The following TRAF5 variants were observed in gnomAD, a reference collection of about 807,000 sequenced individuals.
TRAF5 encodes the protein TNF receptor-associated factor 5.
Under a neutral mutation model 64.5 loss-of-function variants are expected in TRAF5, and 48 were observed. That is an observed-to-expected ratio of 0.74 (90% CI 0.59 to 0.95). The LOEUF (loss-of-function observed/expected upper bound fraction) is 0.95, where lower values mean the gene tolerates loss of function less well. Ranked by LOEUF, TRAF5 falls within the 40% of genes least tolerant of loss-of-function variation. TRAF5 has a pLI of 0.00. For synonymous variants in TRAF5, 206 were observed against 240.5 expected, an observed-to-expected ratio of 0.86 and a Z score of 1.33; for missense variants, 545 against 662.8, an observed-to-expected ratio of 0.82 and a Z score of 1.95.
In TRAF5 at chr1:211,361,157, G is replaced by A. The variant is rs374585053; in HGVS notation, c.691G>A (p.Val231Ile). The A allele has an allele frequency of 5.6e-6, 9 of 1,613,976 alleles. No homozygotes were observed. The highest frequency in any genetic ancestry group is 1.7e-5 in the Admixed American group (1 of 60,002). ...TCCTTTTAAGCACTATGGCTGTGCTGTAACGGTATGGAATGACTTTTTGTT... is the reference window on the plus strand; with the variant it reads ...TCCTTTTAAGCACTATGGCTGTGCTATAACGGTATGGAATGACTTTTTGTT... ...DCPFKHYGCA[V>I]TDKRRNLQQH... The change falls in exon 7 of 11, where the codon GTA becomes ATA. Residue 231 changes from valine to isoleucine, a missense_variant. By Grantham distance (29) the Val-to-Ile change is conservative. Transcript: ENST00000261464.
chr1:211,359,902 T>C lies in TRAF5; in HGVS notation c.379-10T>C. The stretch of plus-strand genomic sequence containing the variant: ...AGCAGGTCCCACTGGCCTGTTGTTA[T>C]CTGTTGCAGGATCACCTTCAGCAGT... On this transcript the variant is annotated splice_polypyrimidine_tract_variant and intron_variant, in intron 4 of 10. Coordinates refer to ENST00000261464, the MANE Select transcript of TRAF5 (RefSeq NM_001033910.3). 6.2e-7 allele frequency: 1 copy of C among 1,613,866 alleles called. No individual in the cohort carries two copies. Among genetic ancestry groups the C allele is most frequent in the Non-Finnish European group, 8.5e-7 (1 of 1,179,794 alleles).
chr1:211,336,950 C>T (rs975767868), intron 1 of TRAF5, among the ~76,000 whole-genome samples: 9 of 151,948 alleles, frequency 5.9e-5, no homozygotes, highest in African/African-American at 4.8e-5. Flanking sequence ...TGAGCCGCTG[C>T]ACCTGGCCAG....
intron 7 of TRAF5, among the ~76,000 whole-genome samples, chr1:211,362,298 T>C (rs1397528232): frequency 6.6e-6 from 1 of 152,268 alleles, no homozygotes; most frequent in Admixed American, 6.5e-5. Context: ...TATTATTCTG[T>C]ATTTTCTGTA....
At chr1:211,365,040 G>A (rs1344434682) in intron 7 of TRAF5, among the ~76,000 whole-genome samples, 2 of 152,044 alleles carry the variant, frequency 1.3e-5, no homozygotes, top group Middle Eastern at 3.4e-3. Context: ...GAGTGTGGTG[G>A]TGCACACCTG....
At position 211,372,392 on chromosome 1, in the gene TRAF5, G is replaced by C. The variant is rs1703567041; in HGVS notation, c.1364G>C (p.Arg455Thr). 6.2e-7 allele frequency: 1 copy of C among 1,614,142 alleles called. No individual in the cohort carries two copies. Among genetic ancestry groups the C allele is most frequent in the Non-Finnish European group, 8.5e-7 (1 of 1,180,028 alleles). ...RAYLNGDGSG[R>T]GSHLSLYFVV... ...TACCTGAATGGGGATGGGTCAGGGA[G>C]GGGGTCACACCTGTCCCTATACTTT... The change falls in exon 11 of 11, where the codon AGG (arginine) becomes ACG (threonine). Residue 455 changes from arginine to threonine, a missense_variant. Arg to Thr is a moderately conservative substitution (Grantham distance 71, BLOSUM62 -1). Coordinates refer to ENST00000261464, the MANE Select transcript of TRAF5 (RefSeq NM_001033910.3).
intron 1 of TRAF5, among the ~76,000 whole-genome samples, chr1:211,343,195 C>A (rs996963496): frequency 2.6e-5 from 4 of 152,062 alleles, no homozygotes; most frequent in African/African-American, 9.7e-5. Context: ...AACATAGCGA[C>A]TAAGTAATTT....
intron 1 of TRAF5, among the ~76,000 whole-genome samples, chr1:211,345,989 G>A (rs1200298394): frequency 1.3e-5 from 2 of 152,250 alleles, no homozygotes; most frequent in Admixed American, 6.5e-5. Flanking sequence ...AGAGTAGGGG[G>A]TGGATCTGGG....
intron 1 of TRAF5, among the ~76,000 whole-genome samples, chr1:211,338,022 A>T (rs539506496): frequency 2.6e-5 from 4 of 152,160 alleles, no homozygotes; most frequent in African/African-American, 9.7e-5. Context: ...CACCCAGAGA[A>T]TGAGTGCAGA....
Position 211,366,969 on chromosome 1 carries a change from GTTTGTT to G in TRAF5, c.789+1503_789+1508del, listed in dbSNP as rs1276271783. Reference sequence around the variant, plus strand: ...TTGGAAAACACTTGGTCAGCTAATTGTTTGTTTGTTTGTTTGTTTGTTTGTTTGTTG... The same window carrying G: ...TTGGAAAACACTTGGTCAGCTAATTGTGTTTGTTTGTTTGTTTGTTTGTTG... On this transcript the variant is annotated intron_variant, in intron 8 of 10. Coordinates refer to ENST00000261464, the MANE Select transcript of TRAF5 (RefSeq NM_001033910.3). 1.4e-3 allele frequency among the ~76,000 whole-genome samples: 190 copies of G among 135,946 alleles called. 1 individual carries two copies. Among genetic ancestry groups the G allele is most frequent in the Non-Finnish European group, 2.0e-3 (131 of 64,496 alleles). The allele number at this position is 135,946 out of a possible 152,430, so 89.2% of individuals were successfully genotyped here. A position where few individuals can be genotyped will look rare whatever the true frequency, so the allele number is the denominator to read the frequency against.
intron 1 of TRAF5, among the ~76,000 whole-genome samples, chr1:211,348,939 A>G (rs550624905): frequency 6.6e-6 from 1 of 150,766 alleles, no homozygotes; most frequent in South Asian, 2.1e-4. Flanking sequence ...GCTCATACCT[A>G]TAGTAATCCC....
chr1:211,334,817 C>G (rs1702248061), intron 1 of TRAF5, among the ~76,000 whole-genome samples: 1 of 152,158 alleles, frequency 6.6e-6, no homozygotes, highest in Admixed American at 6.5e-5. Context: ...CTAGAGATAG[C>G]AGTATTAGGC....
At chr1:211,341,416 A>G (rs1702444696) in intron 1 of TRAF5, among the ~76,000 whole-genome samples, 1 of 152,238 alleles carries the variant, frequency 6.6e-6, no homozygotes, top group Admixed American at 6.5e-5. Flanking sequence ...AAATGTGATG[A>G]TGTGATTACA....
At chr1:211,364,627 A>G (rs1469590639) in intron 7 of TRAF5, among the ~76,000 whole-genome samples, 2 of 152,112 alleles carry the variant, frequency 1.3e-5, no homozygotes, top group Non-Finnish European at 2.9e-5. Flanking sequence ...TGGAGGTTGC[A>G]GTGAGCCAAG....
At chr1:211,366,296 T>C (rs1295454175) in intron 8 of TRAF5, among the ~76,000 whole-genome samples, 2 of 152,166 alleles carry the variant, frequency 1.3e-5, no homozygotes, top group Non-Finnish European at 1.5e-5. Flanking sequence ...GGAAGACTGA[T>C]TAAACAGTAA....
rs1233169047 is a variant in TRAF5, at chr1:211,374,540, C to T, written c.*1838C>T. On this transcript the variant is annotated 3_prime_UTR_variant, in exon 11 of 11. Coordinates refer to ENST00000261464, the MANE Select transcript of TRAF5 (RefSeq NM_001033910.3). The stretch of plus-strand genomic sequence containing the variant: ...TAAATTCAAAGAAATAGGTTCACAA[C>T]AGGAATATACTGAAGAACTAGAGTG... 6.6e-6 allele frequency: 1 copy of T among 152,226 alleles called. No individual in the cohort carries two copies. Among genetic ancestry groups the T allele is most frequent in the African/African-American group, 2.4e-5 (1 of 41,452 alleles). The allele number at this position is 152,226 out of a possible 1,614,324, so 9.4% of individuals were successfully genotyped here.
intron 3 of TRAF5, among the ~76,000 whole-genome samples, 182 bp downstream of exon 3, chr1:211,354,649 C>G (rs974369691): frequency 1.3e-5 from 2 of 152,042 alleles, no homozygotes; most frequent in Non-Finnish European, 2.9e-5. Context: ...TTGTTTGGGT[C>G]TTTATTGACC....
At chr1:211,357,743 G>A (rs1703013468) in intron 4 of TRAF5, 1 of 152,196 alleles carries the variant, frequency 6.6e-6, no homozygotes, top group East Asian at 1.9e-4. Flanking sequence ...CTTACTACCA[G>A]AGGTGAAGGA....
At chr1:211,354,599 G>A in intron 3 of TRAF5, 132 bp downstream of exon 3, 1 of 899,370 alleles carries the variant, frequency 1.1e-6, no homozygotes, top group South Asian at 1.6e-5. Flanking sequence ...TTCTGCTGTG[G>A]GGTCACATCA....
intron 7 of TRAF5, among the ~76,000 whole-genome samples, chr1:211,363,799 T>A (rs980506587): frequency 6.6e-6 from 1 of 151,074 alleles, no homozygotes; most frequent in African/African-American, 2.4e-5. Context: ...TAGTCCCAGC[T>A]CCTTGGGAGG....
Sources: gnomAD v4.1 joint callset for allele counts (sites outside exome capture counted in the v4.1 genomes callset) on GRCh38, gnomAD v4.1.1 for gene constraint, MANE v1.5 for transcripts, NCBI Gene and HGNC (gene_info 2026-07-23, HGNC 2026-07-21) for gene names.